The following CNTNAP5 variants were observed in gnomAD, a reference collection of about 807,000 sequenced individuals.
CNTNAP5 encodes the protein contactin-associated protein-like 5.
A neutral mutation model predicts 150.2 loss-of-function variants in CNTNAP5; 72 were observed. The ratio of observed to expected loss-of-function variants is 0.48; its 90% CI spans 0.40 to 0.58. The LOEUF (loss-of-function observed/expected upper bound fraction) is 0.58. CNTNAP5 is among the 20% of genes least tolerant of loss of function. The pLI is 0.00. For synonymous variants in CNTNAP5, 672 were observed against 619.8 expected (o/e 1.08, Z -1.25); for missense variants, 1,636 against 1,626.2 (o/e 1.01, Z -0.10).
chr2:124,700,612 G>A (rs1333728451), intron 13 of CNTNAP5, among the ~76,000 whole-genome samples: 2 of 152,008 alleles, frequency 1.3e-5, no homozygotes, highest in Admixed American at 6.6e-5. Context: ...CAATGGCATT[G>A]AACATCCTTT....
intron 10 of CNTNAP5, among the ~76,000 whole-genome samples, chr2:124,539,942 A>G (rs539524454): frequency 1.3e-5 from 2 of 152,310 alleles, no homozygotes; most frequent in East Asian, 3.9e-4. Context: ...TACTAAGCCC[A>G]CTGCAGGGCT....
intron 11 of CNTNAP5, among the ~76,000 whole-genome samples, chr2:124,607,535 G>T: frequency 6.6e-6 from 1 of 152,188 alleles, no homozygotes; most frequent in African/African-American, 2.4e-5. Context: ...TTGGAGGGAG[G>T]ATGTGATTTT....
intron 1 of CNTNAP5, among the ~76,000 whole-genome samples, chr2:124,137,627 C>T (rs1684006379): frequency 6.6e-6 from 1 of 152,138 alleles, no homozygotes; most frequent in African/African-American, 2.4e-5. Flanking sequence ...AAATTAAAAC[C>T]AGTCTAATAC....
chr2:124,524,601 C>T, intron 9 of CNTNAP5, 149 bp downstream of exon 9: 1 of 733,144 alleles, frequency 1.4e-6, no homozygotes, highest in East Asian at 2.8e-5. Context: ...CACACACCCT[C>T]AATCTCAAAA....
intron 1 of CNTNAP5, among the ~76,000 whole-genome samples, chr2:124,037,062 A>G (rs1681242465): frequency 6.6e-6 from 1 of 152,344 alleles, no homozygotes; most frequent in Non-Finnish European, 1.5e-5. Flanking sequence ...CCCAATCTTC[A>G]GGCCATCTTA....
intron 1 of CNTNAP5, among the ~76,000 whole-genome samples, chr2:124,184,227 A>G (rs1685275495): frequency 1.3e-5 from 2 of 152,166 alleles, no homozygotes; most frequent in Non-Finnish European, 2.9e-5. Flanking sequence ...GGATTCGTAT[A>G]TCTGAAAGAA....
chr2:124,408,215 C>T (rs1457309742), intron 3 of CNTNAP5, among the ~76,000 whole-genome samples: 2 of 152,332 alleles, frequency 1.3e-5, no homozygotes, highest in East Asian at 1.9e-4. Flanking sequence ...ATATCTCGCA[C>T]CTGGCTCGGA....
chr2:124,181,246 A>G (rs557906671), intron 1 of CNTNAP5, among the ~76,000 whole-genome samples: 11 of 152,178 alleles, frequency 7.2e-5, no homozygotes, highest in Admixed American at 4.6e-4. Context: ...TGCCTTGAAG[A>G]CTCAATAAAT....
chr2:124,079,070 A>G (rs1573738125), intron 1 of CNTNAP5, among the ~76,000 whole-genome samples: 1 of 152,162 alleles, frequency 6.6e-6, no homozygotes, highest in Admixed American at 6.5e-5. Flanking sequence ...CAGAAACAGG[A>G]CTGTCAGGGT....
At chr2:124,725,899 T>A (rs1355260660) in intron 13 of CNTNAP5, among the ~76,000 whole-genome samples, 2 of 152,110 alleles carry the variant, frequency 1.3e-5, no homozygotes, top group Non-Finnish European at 2.9e-5. Context: ...AATTACTTTT[T>A]AAAAGCTGAA....
intron 3 of CNTNAP5, among the ~76,000 whole-genome samples, chr2:124,393,884 C>A (rs1026421765): frequency 6.6e-6 from 1 of 152,176 alleles, no homozygotes; most frequent in Non-Finnish European, 1.5e-5. Flanking sequence ...AATTGCAATT[C>A]TTCTCTATAT....
intron 3 of CNTNAP5, among the ~76,000 whole-genome samples, chr2:124,344,433 A>G (rs1558859950): frequency 6.6e-6 from 1 of 152,176 alleles, no homozygotes; most frequent in African/African-American, 2.4e-5. Context: ...CCTTCCAAAA[A>G]AGAGAAATAG....
intron 3 of CNTNAP5, among the ~76,000 whole-genome samples, chr2:124,359,108 T>C (rs148088876): frequency 0.16 from 23,871 of 152,008 alleles, 1,861 homozygotes; most frequent in East Asian, 0.18. Flanking sequence ...GTTTGTAGTA[T>C]TCTCTGATGG....
At position 124,918,508 on chromosome 2, in the gene CNTNAP5, G is replaced by A. The variant is rs566985237; in HGVS notation, c.*4220G>A. 4.6e-5 allele frequency among the ~76,000 whole-genome samples: 7 copies of A among 152,206 alleles called. No homozygotes were observed. The South Asian group carries it at 1.2e-3, about 27-fold the overall frequency. On this transcript the variant is annotated 3_prime_UTR_variant, in exon 24 of 24. Transcript: ENST00000682447. ...TTCAGTTAGAAGAGTTGCACTGGGA[G>A]GGTGCAAGCACAGCCAACTTATCCA...
intron 3 of CNTNAP5, among the ~76,000 whole-genome samples, chr2:124,355,026 C>A (rs1261369220): frequency 6.6e-6 from 1 of 151,320 alleles, no homozygotes. Flanking sequence ...CTCCATGTCC[C>A]ATATCAATAA....
chr2:124,761,534 T>A (rs1393680710), intron 14 of CNTNAP5, among the ~76,000 whole-genome samples: 1 of 152,126 alleles, frequency 6.6e-6, no homozygotes, highest in Non-Finnish European at 1.5e-5. Flanking sequence ...TAGCATAATT[T>A]CCTGTTGCTA....
chr2:124,252,749 T>C (rs1448202452), intron 3 of CNTNAP5, among the ~76,000 whole-genome samples: 3 of 152,200 alleles, frequency 2.0e-5, no homozygotes, highest in Admixed American at 1.3e-4. Flanking sequence ...AAAATCTTTC[T>C]TTTTATAACA....
chr2:124,532,438 C>G (rs1695131806), intron 10 of CNTNAP5, among the ~76,000 whole-genome samples: 1 of 152,066 alleles, frequency 6.6e-6, no homozygotes, highest in African/African-American at 2.4e-5. Context: ...CCAGTCAATT[C>G]CAGGAGCCAT....
intron 16 of CNTNAP5, among the ~76,000 whole-genome samples, chr2:124,768,137 G>A (rs1020185016): frequency 6.6e-5 from 10 of 152,166 alleles, no homozygotes; most frequent in Admixed American, 1.3e-4. Flanking sequence ...GAAGGTAGTC[G>A]TCAGGGAGAC....
Sources: allele counts gnomAD v4.1 joint callset (sites outside exome capture counted in the v4.1 genomes callset), GRCh38; gene constraint gnomAD v4.1.1; transcripts MANE v1.5; gene names NCBI Gene and HGNC (gene_info 2026-07-23, HGNC 2026-07-21).